Variants in THAP7 observed in about 807,000 individuals in gnomAD.
The protein encoded by THAP7 is THAP domain containing 7.
THAP7 carries 22 observed loss-of-function variants against 29.2 expected under a neutral mutation model. That is an observed-to-expected ratio of 0.75 (90% CI 0.54 to 1.08). THAP7 has a LOEUF of 1.08. THAP7 is among the 50% of genes least tolerant of loss of function. The pLI is 0.00. For missense variants in THAP7, 448 were observed against 416.2 expected (o/e 1.08, Z -0.66); for synonymous variants, 208 against 173.4 (o/e 1.20, Z -1.57).
intron 2 of THAP7, 41 bp downstream of exon 2, chr22:21,001,215 C>T: frequency 6.2e-7 from 1 of 1,605,918 alleles, no homozygotes; most frequent in Non-Finnish European, 8.5e-7. Flanking sequence ...CCGCCGGGAG[C>T]CCCACATCCT....
chr22:21,001,754 A>G (rs1174078536), intron 1 of THAP7, 78 bp downstream of exon 1: 8 of 1,417,438 alleles, frequency 5.6e-6, no homozygotes, highest in Non-Finnish European at 6.6e-6. Flanking sequence ...AAAGGCGCGA[A>G]GCCTCTACGC....
chr22:21,002,115 T>C lies in THAP7; in HGVS notation c.-204A>G. ...TGGCCATTGCTGCGCCGCCGAAGTC[T>C]CGCGAGGGGTAGCGCGCGCCGGAAG... On this transcript the variant is annotated 5_prime_UTR_variant, in exon 1 of 4. Coordinates refer to ENST00000215742, the MANE Select transcript of THAP7 (RefSeq NM_030573.3). The C allele has an allele frequency of 1.8e-6, 1 of 557,328 alleles. No individual in the cohort carries two copies. Among genetic ancestry groups the C allele is most frequent in the Non-Finnish European group, 3.1e-6 (1 of 323,824 alleles). The allele number at this position is 557,328 out of a possible 1,614,324, so 34.5% of individuals were successfully genotyped here. A position where few individuals can be genotyped will look rare whatever the true frequency, so the allele number is the denominator to read the frequency against.
Position 21,002,055 on chromosome 22 carries a change from G to C in THAP7, c.-144C>G. The C allele has an allele frequency of 1.4e-6, 1 of 722,470 alleles. No homozygotes were observed. The highest frequency in any genetic ancestry group is 2.2e-6 in the Non-Finnish European group (1 of 464,986). 44.8% of individuals were successfully genotyped at this position (722,470 alleles called of 1,614,324 possible). On this transcript the variant is annotated 5_prime_UTR_variant, in exon 1 of 4. The change creates a new upstream start codon in the 5' untranslated region. Transcript: ENST00000215742. ...TTGTCGCCCCAACCCCGTCCCAGCC[G>C]ATTCTCTTGACTTCTGTCAGCGGCA...
In THAP7 at chr22:21,001,878, T is replaced by G. The variant is rs1925192478; in HGVS notation, c.34A>C (p.Thr12Pro). The G allele has an allele frequency of 6.4e-7, 1 of 1,573,358 alleles. No homozygotes were observed. The highest frequency in any genetic ancestry group is 1.4e-5 in the African/African-American group (1 of 73,652). ...TTGCGCGTCTCGCGCGTGTCCCGTG[T>G]GCAGCAGCCGGCGGCGGAGCAGTGA... Reference protein sequence around the residue: ...PRHCSAAGCCTRDTRETRNRG... With the variant: ...PRHCSAAGCCPRDTRETRNRG... Residue 12 changes from threonine to proline, a missense_variant, in exon 1 of 4, where the codon ACA becomes CCA. Thr to Pro is a conservative substitution (Grantham distance 38). Coordinates refer to ENST00000215742, the MANE Select transcript of THAP7 (RefSeq NM_030573.3).
rs1569160589 is a variant in THAP7 at position 21,000,791 on chromosome 22, C to T, written c.237-4G>A. ...CTCCTTTAGCCTGTGATATCCACTG[C>T]GGGGAAAAGCAACCCAGATGAGCTG... On this transcript the variant is annotated splice_polypyrimidine_tract_variant and splice_region_variant and intron_variant, in intron 2 of 3. Transcript: ENST00000215742. 1.2e-6 allele frequency: 2 copies of T among 1,614,014 alleles called. No individual in the cohort carries two copies. The highest frequency in any genetic ancestry group is 1.1e-5 in the South Asian group (1 of 91,088).
At chr22:21,001,471 A>G (rs1925162376) in intron 1 of THAP7, 60 bp from the exon 2 acceptor site, 2 of 1,581,038 alleles carry the variant, frequency 1.3e-6, no homozygotes, top group African/African-American at 1.3e-5. Flanking sequence ...CATGCTGCCC[A>G]AGCACCCCAG....
rs373491281 is a variant in THAP7 at position 20,999,875 on chromosome 22, G to A, written c.*5C>T. The A allele has an allele frequency of 8.8e-6, 14 of 1,599,310 alleles. No homozygotes were observed. The East Asian group carries it at 1.6e-4, about 18-fold the overall frequency. On this transcript the variant is annotated 3_prime_UTR_variant, in exon 4 of 4. Transcript: ENST00000215742. The stretch of plus-strand genomic sequence containing the variant: ...GGGCAGCCCCTCGGTCAGTCCAGCA[G>A]CCCCTCAGGCCATGCTGCTGCTCAG...
chr22:21,000,293 T>A lies in THAP7; in HGVS notation c.517A>T (p.Ser173Cys). 1 of 1,556,592 alleles carries A rather than the reference T, an allele frequency of 6.4e-7. No homozygotes were observed. Among genetic ancestry groups the A allele is most frequent in the Non-Finnish European group, 8.7e-7 (1 of 1,150,382 alleles). The change falls in exon 4 of 4, where the codon AGC becomes TGC. Residue 173 changes from serine (S) to cysteine (C), a missense_variant. By Grantham distance (112) the Ser-to-Cys change is moderately radical. Transcript: ENST00000215742. ...GGGCCCAGTAGGTCTGAAAAGGGGC[T>A]GCTAAGGCCAGGCTCCAGCCTCCCA... ...PAGRLEPGLS[S>C]PFSDLLGPLG...
chr22:21,001,863 C>G lies in THAP7; in HGVS notation c.49G>C (p.Glu17Gln), dbSNP rs1273033870. 1 of 1,567,132 alleles carries G rather than the reference C, an allele frequency of 6.4e-7. No homozygotes were observed. Among genetic ancestry groups the G allele is most frequent in the Non-Finnish European group, 8.6e-7 (1 of 1,157,762 alleles). The change falls in exon 1 of 4, where the codon GAG becomes CAG. Residue 17 changes from glutamate to glutamine, a missense_variant. Glu to Gln is a conservative substitution (Grantham distance 29). Coordinates refer to ENST00000215742, the MANE Select transcript of THAP7 (RefSeq NM_030573.3). ...AAGGAGATGCCGCGGTTGCGCGTCT[C>G]GCGCGTGTCCCGTGTGCAGCAGCCG... ...AAGCCTRDTRETRNRGISFHR... is the reference protein window; with the variant it reads ...AAGCCTRDTRQTRNRGISFHR...
At position 21,001,345 on chromosome 22, in the gene THAP7, G is replaced by C. The variant is rs569972636; in HGVS notation, c.147C>G (p.Ser49Arg). The C allele has an allele frequency of 1.2e-6, 2 of 1,613,798 alleles. No homozygotes were observed. The highest frequency in any genetic ancestry group is 2.2e-5 in the South Asian group (2 of 91,084). ...WLANCQRLDPSGQGLWDPASE... is the reference protein window; with the variant it reads ...WLANCQRLDPRGQGLWDPASE... Reference sequence around the variant, plus strand: ...ATGCCGGGTCCCACAGGCCCTGGCCGCTGGGGTCCAGCCGCTGGCAGTTGG... The same window carrying C: ...ATGCCGGGTCCCACAGGCCCTGGCCCCTGGGGTCCAGCCGCTGGCAGTTGG... Residue 49 changes from serine (S) to arginine (R), a missense_variant, in exon 2 of 4, where the codon AGC becomes AGG. Ser to Arg is a moderately radical substitution (Grantham distance 110). Transcript: ENST00000215742.
Position 21,001,382 on chromosome 22 carries a change from C to A in THAP7, c.110G>T (p.Gly37Val). The A allele has an allele frequency of 1.2e-6, 2 of 1,613,918 alleles. No homozygotes were observed. The highest frequency in any genetic ancestry group is 1.7e-6 in the Non-Finnish European group (2 of 1,180,000). Residue 37 changes from glycine to valine, a missense_variant, in exon 2 of 4, where the codon GGC (glycine) becomes GTC (valine). Transcript: ENST00000215742. ...CCGCTGGCAGTTGGCCAGCCACAAG[C>A]CTCGCCTCGGGTTGTCCTTCTTGGG... ...RLPKKDNPRR[G>V]LWLANCQRLD... is the part of the protein sequence containing the mutation.
intron 3 of THAP7, 24 bp from the exon 4 acceptor site, chr22:21,000,456 T>G: frequency 6.5e-7 from 1 of 1,544,308 alleles, no homozygotes; most frequent in South Asian, 1.2e-5. Context: ...AGAGAGAGAC[T>G]GATGGGCTAG....
At position 21,002,083 on chromosome 22, in the gene THAP7, C is replaced by A; in HGVS notation, c.-172G>T. 1.6e-6 allele frequency: 1 copy of A among 622,270 alleles called. No individual in the cohort carries two copies. Among genetic ancestry groups the A allele is most frequent in the Non-Finnish European group, 2.7e-6 (1 of 375,266 alleles). 38.5% of individuals were successfully genotyped at this position (622,270 alleles called of 1,614,324 possible). ...TCTCTTGACTTCTGTCAGCGGCACT[C>A]ACGCTCTGGCCATTGCTGCGCCGCC... On this transcript the variant is annotated 5_prime_UTR_variant, in exon 1 of 4. An upstream open reading frame in the 5' UTR loses its in-frame stop. Transcript: ENST00000215742.
At chr22:21,001,720 G>A (rs534353596) in intron 1 of THAP7, 112 bp downstream of exon 1, 3 of 1,219,834 alleles carry the variant, frequency 2.5e-6, no homozygotes, top group South Asian at 3.1e-5. Flanking sequence ...CCACCCACAG[G>A]TTCAAGCCTC....
rs2147977063 is a variant in THAP7 at position 21,001,950 on chromosome 22, C to T, written c.-39G>A. ...GGGAGTTAAGTCGCAAGCGGCTCTC[C>T]GGGCATCCGGAGGAGCCTCGCGCCT... On this transcript the variant is annotated 5_prime_UTR_variant, in exon 1 of 4. Transcript: ENST00000215742. The T allele has an allele frequency of 1.3e-6, 2 of 1,520,346 alleles. No individual in the cohort carries two copies. Among genetic ancestry groups the T allele is most frequent in the South Asian group, 2.5e-5 (2 of 80,324 alleles). The allele number at this position is 1,520,346 out of a possible 1,614,324, so 94.2% of individuals were successfully genotyped here.
Position 21,001,243 on chromosome 22 carries a change from C to A in THAP7, c.236+13G>T. 6.2e-7 allele frequency: 1 copy of A among 1,610,004 alleles called. No homozygotes were observed. The highest frequency in any genetic ancestry group is 8.5e-7 in the Non-Finnish European group (1 of 1,176,812). ...CACATCCTACCCCAGCGTCGGCCGGCAGGGAGGCCCACCTGATTCCCACCA... is the reference window on the plus strand; with the variant it reads ...CACATCCTACCCCAGCGTCGGCCGGAAGGGAGGCCCACCTGATTCCCACCA... On this transcript the variant is annotated intron_variant, in intron 2 of 3. Transcript: ENST00000215742.
chr22:20,999,182 TGAAG>T lies in THAP7; in HGVS notation c.*694_*697del, dbSNP rs1378793357. 1 of 152,098 alleles carries T rather than the reference TGAAG, an allele frequency of 6.6e-6. No individual in the cohort carries two copies. Among genetic ancestry groups the T allele is most frequent in the African/African-American group, 2.4e-5 (1 of 41,404 alleles). 9.4% of individuals were successfully genotyped at this position (152,098 alleles called of 1,614,324 possible). ...CAAGGCCTTCCAGGTTCCTGGGAGT[TGAAG>T]GAAAAGGATGCTGAGGCCAGGACCT... is the stretch of plus-strand genomic sequence containing the variant. On this transcript the variant is annotated 3_prime_UTR_variant, in exon 4 of 4. Transcript: ENST00000215742.
rs1925011248 is a variant in THAP7, at chr22:20,999,283, C to T, written c.*597G>A. ...GACTAGCTTGTTGGGGCTTTACTACCTGCTGACATGACCCAGGAGGTTGAT... is the reference window on the plus strand; with the variant it reads ...GACTAGCTTGTTGGGGCTTTACTACTTGCTGACATGACCCAGGAGGTTGAT... On this transcript the variant is annotated 3_prime_UTR_variant, in exon 4 of 4. Coordinates refer to ENST00000215742, the MANE Select transcript of THAP7 (RefSeq NM_030573.3). 6.6e-6 allele frequency: 1 copy of T among 152,444 alleles called. No homozygotes were observed. Among genetic ancestry groups the T allele is most frequent in the Non-Finnish European group, 1.5e-5 (1 of 68,314 alleles). The allele number at this position is 152,444 out of a possible 1,614,324, so 9.4% of individuals were successfully genotyped here.
rs1450512064 is a variant in THAP7, at chr22:21,000,426, G to A, written c.384C>T (p.Ser128=). Residue 128 remains serine, a synonymous_variant, in exon 4 of 4, where the codon TCC becomes TCT. Transcript: ENST00000215742. Reference sequence around the variant, plus strand: ...ATGGAGTTGTGGGCCCTCGGCCCTCGGAGCAGCTGGTAAGGGGGAAGAGAG... The same window carrying A: ...ATGGAGTTGTGGGCCCTCGGCCCTCAGAGCAGCTGGTAAGGGGGAAGAGAG... The part of the protein sequence containing the change: ...SRLRRCRKRC[S]EGRGPTTPFS... 3.9e-6 allele frequency: 6 copies of A among 1,550,260 alleles called. No individual in the cohort carries two copies. The highest frequency in any genetic ancestry group is 2.4e-5 in the East Asian group (1 of 41,196).
Sources: allele counts gnomAD v4.1 joint callset, GRCh38; gene constraint gnomAD v4.1.1; transcripts MANE v1.5; gene names NCBI Gene and HGNC (gene_info 2026-07-23, HGNC 2026-07-21).